OTUD5: variants seen among roughly 807,000 people sequenced by gnomAD.
OTUD5 encodes OTU domain-containing protein 5.
In OTUD5, 2 loss-of-function variants were observed where a neutral mutation model predicts 36.3. The ratio of observed to expected loss-of-function variants is 0.06; its 90% CI spans 0.02 to 0.17. The LOEUF (loss-of-function observed/expected upper bound fraction) is 0.17, where lower values mean the gene tolerates loss of function less well. Among genes scored for constraint, OTUD5 ranks in the 10% least tolerant of loss-of-function variants. OTUD5 has a pLI of 1.00. For synonymous variants in OTUD5, 234 were observed against 214.9 expected, an observed-to-expected ratio of 1.09 and a Z score of -0.78; for missense variants, 233 against 512.3, an observed-to-expected ratio of 0.45 and a Z score of 5.26.
At chrX:48,944,156 C>A (rs782191211) in intron 2 of OTUD5, 34 bp downstream of exon 2, 1 of 1,029,417 alleles carries the variant, frequency 9.7e-7, no homozygotes, top group African/African-American at 1.9e-5. Context: ...TTAGGGGCAG[C>A]CCTAGGCCCT....
chrX:48,939,946 GT>G (rs2063893067), intron 2 of OTUD5: 3 of 113,730 alleles, frequency 2.6e-5, no homozygotes, highest in Admixed American at 9.3e-5. Context: ...GAAGCTAGGT[GT>G]CTACAGGGAA....
chrX:48,927,767 A>C (rs1305769805), intron 5 of OTUD5, among the ~76,000 whole-genome samples: 1 of 111,078 alleles, frequency 9.0e-6, no homozygotes, highest in African/African-American at 3.3e-5. Flanking sequence ...TGATCAACCT[A>C]ATCTTCAGCC....
rs782112578 is a variant in OTUD5 at position 48,937,259 on chromosome X, C to T, written c.689-2241G>A. Among the ~76,000 whole-genome samples, 5 of 112,153 alleles carry T rather than the reference C, an allele frequency of 4.5e-5. No homozygotes were observed. The East Asian group carries it at 1.4e-3, about 31-fold the overall frequency. On this transcript the variant is annotated intron_variant, in intron 2 of 8. Transcript: ENST00000376488. ...CTGCTGCCTTTCTTAGAAGCCAGGACCACAGAGCCCGCACAGTGAGCTACT... is the reference window on the plus strand; with the variant it reads ...CTGCTGCCTTTCTTAGAAGCCAGGATCACAGAGCCCGCACAGTGAGCTACT...
chrX:48,950,763 T>C (rs1040657509), intron 1 of OTUD5, among the ~76,000 whole-genome samples: 5 of 109,051 alleles, frequency 4.6e-5, no homozygotes, highest in African/African-American at 1.7e-4. Context: ...GGGGTTTTAC[T>C]ATCTTGGCCA....
At chrX:48,956,679 G>A (rs1000960802) in intron 1 of OTUD5, among the ~76,000 whole-genome samples, 12 of 111,170 alleles carry the variant, frequency 1.1e-4, no homozygotes, top group African/African-American at 3.9e-4. Flanking sequence ...TGTATCTCTT[G>A]GAGAATTCCC....
At chrX:48,941,448 A>G (rs782146254) in intron 2 of OTUD5, among the ~76,000 whole-genome samples, 2 of 96,592 alleles carry the variant, frequency 2.1e-5, no homozygotes, top group Non-Finnish European at 2.1e-5. Flanking sequence ...AAAAAAAAAA[A>G]AAAAAAAAAA....
rs782214267 is a variant in OTUD5, at chrX:48,929,494, G to A, written c.1060-3444C>T. 2.7e-5 allele frequency among the ~76,000 whole-genome samples: 3 copies of A among 110,799 alleles called. No individual in the cohort carries two copies. In the South Asian group the frequency reaches 1.1e-3, roughly 42 times the overall value. The stretch of plus-strand genomic sequence containing the variant: ...CCAGCACTTTGGGAGGCCGAGGCAG[G>A]CAGATCACCTGAAGTCAGGAGTTCG... On this transcript the variant is annotated intron_variant, in intron 5 of 8. Transcript: ENST00000376488.
intron 2 of OTUD5, among the ~76,000 whole-genome samples, chrX:48,943,182 A>G (rs1363005121): frequency 9.0e-6 from 1 of 111,698 alleles, no homozygotes; most frequent in Non-Finnish European, 1.9e-5. Context: ...TCCTTGGTAG[A>G]TATCAGAGAA....
chrX:48,957,609 G>T, upstream of OTUD5: 2 of 819,209 alleles, frequency 2.4e-6, no homozygotes, highest in Non-Finnish European at 3.0e-6. Context: ...ACCCGGCGCG[G>T]GGCACGCCGG....
At chrX:48,943,422 A>G (rs1557051595) in intron 2 of OTUD5, among the ~76,000 whole-genome samples, 1 of 111,985 alleles carries the variant, frequency 8.9e-6, no homozygotes, top group Non-Finnish European at 1.9e-5. Context: ...ACATACAGAA[A>G]TATTTATGAA....
chrX:48,932,166 T>TAAC (rs782503663), intron 5 of OTUD5, among the ~76,000 whole-genome samples: 5 of 97,611 alleles, frequency 5.1e-5, no homozygotes, highest in Non-Finnish European at 1.0e-4. Context: ...AAGATGATAA[T>TAAC]AATAATAATA....
intron 1 of OTUD5, among the ~76,000 whole-genome samples, chrX:48,948,169 G>A (rs188234744): frequency 7.1e-5 from 8 of 112,309 alleles, no homozygotes; most frequent in African/African-American, 1.3e-4. Flanking sequence ...CCGACATGGC[G>A]AAGCCTTGTC....
intron 1 of OTUD5, among the ~76,000 whole-genome samples, chrX:48,944,722 G>A (rs1456602456): frequency 8.9e-6 from 1 of 112,354 alleles, no homozygotes; most frequent in East Asian, 2.8e-4. Flanking sequence ...AGGGCTAGAG[G>A]ATTCCAAGAT....
chrX:48,929,702 C>T (rs782128010), intron 5 of OTUD5, among the ~76,000 whole-genome samples: 2 of 110,146 alleles, frequency 1.8e-5, no homozygotes, highest in South Asian at 3.8e-4. Flanking sequence ...CCAGCCTGGG[C>T]GACAGTGAGA....
chrX:48,929,869 C>T (rs983170902), intron 5 of OTUD5, among the ~76,000 whole-genome samples: 2 of 111,176 alleles, frequency 1.8e-5, no homozygotes, highest in East Asian at 2.8e-4. Context: ...TTTGGGAGGC[C>T]GAGGCGGGCG....
chrX:48,926,172 C>T (rs1389283616), intron 5 of OTUD5, 122 bp from the exon 6 acceptor site: 3 of 507,581 alleles, frequency 5.9e-6, no homozygotes, highest in South Asian at 2.9e-5. Flanking sequence ...AAAGCAGGTA[C>T]TCCCAAAGAG....
intron 6 of OTUD5, among the ~76,000 whole-genome samples, 163 bp downstream of exon 6, chrX:48,925,684 A>C (rs782363707): frequency 2.4e-4 from 27 of 112,834 alleles, no homozygotes; most frequent in African/African-American, 8.4e-4. Context: ...TAAAGTTCCA[A>C]GGTACAATGC....
upstream of OTUD5, chrX:48,958,204 TCTTCA>T (rs1257516932): frequency 8.8e-6 from 1 of 113,115 alleles, no homozygotes; most frequent in Non-Finnish European, 1.9e-5. Flanking sequence ...TCCGTCTTGC[TCTTCA>T]CTTTTCTCCC....
At chrX:48,957,670 C>A, upstream of OTUD5, 1 of 787,206 alleles carries the variant, frequency 1.3e-6, no homozygotes, top group East Asian at 1.3e-4. Flanking sequence ...ACGACGGGAA[C>A]GGCGAGACCC....
Sources: allele counts gnomAD v4.1 joint callset (sites outside exome capture counted in the v4.1 genomes callset), GRCh38; gene constraint gnomAD v4.1.1; transcripts MANE v1.5; gene names NCBI Gene and HGNC (gene_info 2026-07-23, HGNC 2026-07-21).